The following COL26A1 variants were observed in gnomAD, a reference collection of about 807,000 sequenced individuals.
The protein encoded by COL26A1 is collagen alpha-1(XXVI) chain.
Under a neutral mutation model 59.3 loss-of-function variants are expected in COL26A1, and 41 were observed. The ratio of observed to expected loss-of-function variants is 0.69; its 90% CI spans 0.54 to 0.90. The LOEUF (loss-of-function observed/expected upper bound fraction) is 0.90, where lower values mean the gene tolerates loss of function less well. COL26A1 is among the 40% of genes least tolerant of loss of function. The pLI is 0.00. For synonymous variants in COL26A1, 266 were observed against 256.0 expected (o/e 1.04, Z -0.37); for missense variants, 612 against 602.3 (o/e 1.02, Z -0.17).
chr7:101,547,250 G>T lies in COL26A1; in HGVS notation c.940+11G>T. The T allele has an allele frequency of 6.4e-7, 1 of 1,561,290 alleles. No homozygotes were observed. The highest frequency in any genetic ancestry group is 1.2e-5 in the South Asian group (1 of 84,576). ...CCCCTGGTCCACCAGGTAAGTGAAT[G>T]GTGGGCTGGCCTGCATTGAGGACTC... On this transcript the variant is annotated intron_variant, in intron 8 of 12. Transcript: ENST00000313669.
intron 3 of COL26A1, among the ~76,000 whole-genome samples, chr7:101,501,929 T>C (rs1314714628): frequency 6.6e-6 from 1 of 152,088 alleles, no homozygotes; most frequent in Non-Finnish European, 1.5e-5. Flanking sequence ...TACATGTACA[T>C]GGGCTGCGTG....
Position 101,425,826 on chromosome 7 carries a change from A to ATT in COL26A1, c.281+5743_281+5744dup, listed in dbSNP as rs531266478. 2.6e-3 allele frequency among the ~76,000 whole-genome samples: 346 copies of ATT among 131,438 alleles called. 1 individual carries two copies. Among genetic ancestry groups the ATT allele is most frequent in the African/African-American group, 9.5e-3 (327 of 34,572 alleles). The allele number at this position is 131,438 out of a possible 152,430, so 86.2% of individuals were successfully genotyped here. On this transcript the variant is annotated intron_variant, in intron 2 of 12. Coordinates refer to ENST00000313669, the MANE Select transcript of COL26A1 (RefSeq NM_001278563.3). The stretch of plus-strand genomic sequence containing the variant: ...CCGGCCCCCAGTGCTTCTTAGCATA[A>ATT]TTTTTTTTTTTTTTTTTGGAGACGG...
intron 5 of COL26A1, among the ~76,000 whole-genome samples, chr7:101,541,936 T>G (rs1256017597): frequency 6.6e-6 from 1 of 152,002 alleles, no homozygotes; most frequent in Admixed American, 6.6e-5. Context: ...TTAAATATTT[T>G]CATATCAGAT....
chr7:101,499,117 C>T (rs901233717), intron 3 of COL26A1, among the ~76,000 whole-genome samples: 14 of 152,138 alleles, frequency 9.2e-5, no homozygotes, highest in African/African-American at 3.1e-4. Flanking sequence ...AGGGGGAGGC[C>T]GCAAGAGGTG....
intron 1 of COL26A1, among the ~76,000 whole-genome samples, chr7:101,385,281 A>C (rs1330655714): frequency 4.0e-5 from 6 of 150,664 alleles, no homozygotes; most frequent in Non-Finnish European, 7.4e-5. Context: ...GTGTATATAT[A>C]TAGTATGTGT....
chr7:101,471,571 GTTTTTTTTTTT>G (rs71517177), intron 3 of COL26A1, among the ~76,000 whole-genome samples: 26 of 93,014 alleles, frequency 2.8e-4, no homozygotes, highest in South Asian at 1.8e-3. Context: ...GTTGTTGTTT[GTTTTTTTTTTT>G]TTTTTTTTTT....
At chr7:101,387,604 G>A (rs1791607206) in intron 1 of COL26A1, among the ~76,000 whole-genome samples, 1 of 145,068 alleles carries the variant, frequency 6.9e-6, no homozygotes, top group Admixed American at 6.9e-5. Flanking sequence ...CCAGGCTGGA[G>A]TGCAGTGTGA....
At chr7:101,408,113 G>T (rs1792169435) in intron 1 of COL26A1, among the ~76,000 whole-genome samples, 1 of 152,134 alleles carries the variant, frequency 6.6e-6, no homozygotes, top group African/African-American at 2.4e-5. Context: ...AACCCTCCCT[G>T]GTTAAGCCCC....
At chr7:101,549,043 C>G in intron 8 of COL26A1, 128 bp from the exon 9 acceptor site, 1 of 521,356 alleles carries the variant, frequency 1.9e-6, no homozygotes, top group Admixed American at 4.2e-5. Flanking sequence ...CCTCCCTCCT[C>G]CCCACACCAT....
intron 1 of COL26A1, among the ~76,000 whole-genome samples, chr7:101,393,806 G>C (rs570316188): frequency 2.3e-4 from 35 of 152,086 alleles, no homozygotes; most frequent in African/African-American, 7.7e-4. Context: ...GAGTGCAGTG[G>C]TGTGATCCTA....
chr7:101,449,702 T>C (rs1191744192), intron 3 of COL26A1, among the ~76,000 whole-genome samples: 8 of 152,088 alleles, frequency 5.3e-5, no homozygotes, highest in Non-Finnish European at 1.2e-4. Flanking sequence ...TATGTGTGTA[T>C]ACACACACAC....
chr7:101,395,573 G>A (rs1401465165), intron 1 of COL26A1, among the ~76,000 whole-genome samples: 2 of 152,188 alleles, frequency 1.3e-5, no homozygotes, highest in Non-Finnish European at 2.9e-5. Flanking sequence ...GGGCTGGAGG[G>A]AAAATGGCTC....
chr7:101,420,856 A>G (rs1247882932), intron 2 of COL26A1, among the ~76,000 whole-genome samples: 1 of 150,806 alleles, frequency 6.6e-6, no homozygotes, highest in Non-Finnish European at 1.5e-5. Context: ...TCTTGCTGTC[A>G]GACACCAGCA....
intron 3 of COL26A1, among the ~76,000 whole-genome samples, chr7:101,508,861 T>C (rs1794864725): frequency 6.6e-6 from 1 of 151,916 alleles, no homozygotes; most frequent in Non-Finnish European, 1.5e-5. Flanking sequence ...GGCTGGGTAA[T>C]GTATACAGAA....
intron 2 of COL26A1, among the ~76,000 whole-genome samples, chr7:101,445,729 C>A (rs1793174478): frequency 2.5e-5 from 1 of 39,314 alleles, no homozygotes; most frequent in Non-Finnish European, 5.4e-5. Context: ...GAGACTCCGT[C>A]TCAAAAAAAA....
At chr7:101,435,658 G>GT (rs1792897086) in intron 2 of COL26A1, among the ~76,000 whole-genome samples, 1 of 152,008 alleles carries the variant, frequency 6.6e-6, no homozygotes, top group South Asian at 2.1e-4. Context: ...CCCTCGGTTG[G>GT]CTGCTGGCTG....
intron 3 of COL26A1, among the ~76,000 whole-genome samples, chr7:101,488,235 C>T (rs538200756): frequency 4.9e-4 from 73 of 149,780 alleles, no homozygotes; most frequent in African/African-American, 1.5e-3. Context: ...GAGCTAAGAT[C>T]GCGCCACTAC....
At chr7:101,384,230 G>GTTTTTGTTTTTTT (rs768170962) in intron 1 of COL26A1, among the ~76,000 whole-genome samples, 1 of 105,684 alleles carries the variant, frequency 9.5e-6, no homozygotes, top group African/African-American at 3.9e-5. Flanking sequence ...GTTCAGGCTG[G>GTTTTTGTTTTTTT]TTTTTTTTTT....
At chr7:101,433,292 C>A (rs1353190632) in intron 2 of COL26A1, among the ~76,000 whole-genome samples, 1 of 152,060 alleles carries the variant, frequency 6.6e-6, no homozygotes, top group Non-Finnish European at 1.5e-5. Context: ...CCACTGCACT[C>A]CAGCCTGAGC....
Sources: gnomAD v4.1 joint callset for allele counts (sites outside exome capture counted in the v4.1 genomes callset) on GRCh38, gnomAD v4.1.1 for gene constraint, MANE v1.5 for transcripts, NCBI Gene and HGNC (gene_info 2026-07-23, HGNC 2026-07-21) for gene names.